The following MYO18B variants were observed in gnomAD, a reference collection of about 807,000 sequenced individuals.
MYO18B encodes myosin XVIIIB.
A neutral mutation model predicts 273.0 loss-of-function variants in MYO18B; 204 were observed. That is an observed-to-expected ratio of 0.75 (90% CI 0.67 to 0.84). The LOEUF is 0.84. Among genes scored for constraint, MYO18B ranks in the 40% least tolerant of loss-of-function variants. The pLI, the probability that MYO18B is intolerant of heterozygous loss-of-function variation, is 0.00. For missense variants in MYO18B, 3,212 were observed against 3,287.6 expected, an observed-to-expected ratio of 0.98 and a Z score of 0.56; for synonymous variants, 1,330 against 1,305.7, an observed-to-expected ratio of 1.02 and a Z score of -0.40.
intron 1 of MYO18B, among the ~76,000 whole-genome samples, chr22:25,750,906 C>T (rs779231277): frequency 5.3e-5 from 8 of 152,220 alleles, no homozygotes; most frequent in Non-Finnish European, 1.0e-4. Flanking sequence ...TGAGAAGCTG[C>T]TGTGTGCCAG....
chr22:26,020,265 G>A (rs1277289785), intron 42 of MYO18B, among the ~76,000 whole-genome samples: 1 of 152,044 alleles, frequency 6.6e-6, no homozygotes, highest in African/African-American at 2.4e-5. Flanking sequence ...GATTTTCATG[G>A]AGCATCTGCT....
At chr22:25,975,361 C>A (rs1373963670) in intron 39 of MYO18B, among the ~76,000 whole-genome samples, 1 of 152,130 alleles carries the variant, frequency 6.6e-6, no homozygotes, top group Non-Finnish European at 1.5e-5. Flanking sequence ...TCTTTATGTT[C>A]CGCCGCTGTG....
rs557057687 is a variant in MYO18B at position 25,912,339 on chromosome 22, C to G, written c.5364+1289C>G. ...CAGCATCAGGGCAAGAGAGCACAGC[C>G]CAGTACCAGATTCTAGAATGATAGA... On this transcript the variant is annotated intron_variant, in intron 33 of 43. Coordinates refer to ENST00000335473, the MANE Select transcript of MYO18B (RefSeq NM_032608.7). 7.2e-5 allele frequency among the ~76,000 whole-genome samples: 11 copies of G among 152,162 alleles called. No homozygotes were observed. The East Asian group carries it at 1.7e-3, about 24-fold the overall frequency.
At chr22:25,949,482 T>C (rs1023440919) in intron 36 of MYO18B, among the ~76,000 whole-genome samples, 3 of 152,144 alleles carry the variant, frequency 2.0e-5, no homozygotes, top group African/African-American at 7.2e-5. Flanking sequence ...AATGACTGCA[T>C]AATGGGGAGA....
At chr22:26,039,634 A>C in the MYO18B span, among the ~76,000 whole-genome samples, 46 of 152,016 alleles carry the variant, frequency 3.0e-4, no homozygotes, top group African/African-American at 9.7e-4. Context: ...TTTTAGTTAT[A>C]TATGTATATA....
chr22:25,784,096 C>T (rs2087276169), intron 10 of MYO18B, among the ~76,000 whole-genome samples: 1 of 152,220 alleles, frequency 6.6e-6, no homozygotes. Flanking sequence ...ATTCTTGCTC[C>T]TCAGTTTCTC....
At chr22:25,873,589 C>T (rs1056285370) in intron 22 of MYO18B, among the ~76,000 whole-genome samples, 4 of 152,096 alleles carry the variant, frequency 2.6e-5, no homozygotes, top group African/African-American at 7.2e-5. Context: ...TACAGGCATT[C>T]GCCACCACGC....
intron 15 of MYO18B, among the ~76,000 whole-genome samples, chr22:25,831,397 T>G (rs1601828738): frequency 6.6e-6 from 1 of 152,214 alleles, no homozygotes; most frequent in Non-Finnish European, 1.5e-5. Flanking sequence ...ATTTTTTGTT[T>G]TTTAGATGGA....
rs548881233 is a variant in MYO18B, at chr22:26,027,982, G to T, written c.*12+292G>T. 6.6e-6 allele frequency among the ~76,000 whole-genome samples: 1 copy of T among 152,004 alleles called. No homozygotes were observed. The highest frequency in any genetic ancestry group is 2.1e-4 in the South Asian group (1 of 4,814). On this transcript the variant is annotated intron_variant, in intron 43 of 43. Coordinates refer to ENST00000335473, the MANE Select transcript of MYO18B (RefSeq NM_032608.7). The surrounding 1 kb of genome is among the most constrained non-coding windows in gnomAD (Gnocchi z 4.1). ...GATGTAGCCGGGCGCGGTGGCTCAC[G>T]CCTGTAATCCCAGCACTTTGGGAGG...
intron 11 of MYO18B, among the ~76,000 whole-genome samples, chr22:25,797,676 C>A (rs1386598144): frequency 6.6e-6 from 1 of 152,184 alleles, no homozygotes; most frequent in South Asian, 2.1e-4. Flanking sequence ...CAGACCAGAG[C>A]CCCGCATAGA....
chr22:25,916,317 A>G lies in MYO18B; in HGVS notation c.5365-4940A>G, dbSNP rs565848790. 6.6e-5 allele frequency among the ~76,000 whole-genome samples: 10 copies of G among 152,192 alleles called. No homozygotes were observed. The East Asian group carries it at 1.9e-3, about 29-fold the overall frequency. On this transcript the variant is annotated intron_variant, in intron 33 of 43. Coordinates refer to ENST00000335473, the MANE Select transcript of MYO18B (RefSeq NM_032608.7). ...TTATTGTTTCTTTGTTGTGTATTTA[A>G]TAGTGTCTGACCTTATGTTTGTTTC... is the stretch of plus-strand genomic sequence containing the variant.
chr22:26,018,160 G>A (rs113349373), intron 42 of MYO18B, among the ~76,000 whole-genome samples: 2 of 152,112 alleles, frequency 1.3e-5, no homozygotes, highest in Non-Finnish European at 2.9e-5. Context: ...GCAGCTCGAT[G>A]GATTGGTTTG....
At chr22:25,972,275 T>G (rs1166279139) in intron 39 of MYO18B, among the ~76,000 whole-genome samples, 6 of 152,180 alleles carry the variant, frequency 3.9e-5, no homozygotes, top group African/African-American at 1.4e-4. Context: ...TGTGGTTAGT[T>G]GCTTGCTTGG....
chr22:25,919,274 A>G (rs992975738), intron 33 of MYO18B, among the ~76,000 whole-genome samples: 15 of 152,190 alleles, frequency 9.9e-5, no homozygotes, highest in African/African-American at 3.6e-4. Flanking sequence ...ATTAAAGACT[A>G]AAACACACCT....
At chr22:25,799,421 C>T (rs897004643) in intron 12 of MYO18B, among the ~76,000 whole-genome samples, 2 of 152,256 alleles carry the variant, frequency 1.3e-5, no homozygotes, top group East Asian at 3.9e-4. Context: ...GGATGAAGAG[C>T]AAGGGTTTCT....
chr22:26,034,293 T>C (rs1021549057), downstream of MYO18B, among the ~76,000 whole-genome samples: 1 of 152,226 alleles, frequency 6.6e-6, no homozygotes, highest in African/African-American at 2.4e-5. Flanking sequence ...CTACCACTTC[T>C]GCTACCTGGG....
intron 33 of MYO18B, among the ~76,000 whole-genome samples, chr22:25,913,588 T>C (rs1456710040): frequency 6.6e-6 from 1 of 152,222 alleles, no homozygotes; most frequent in African/African-American, 2.4e-5. Flanking sequence ...CAGGATGGTT[T>C]CGATCTCGTG....
Position 25,955,290 on chromosome 22 carries a change from C to T in MYO18B, c.6082C>T (p.Leu2028=). The T allele has an allele frequency of 6.2e-7, 1 of 1,613,780 alleles. No individual in the cohort carries two copies. Among genetic ancestry groups the T allele is most frequent in the Non-Finnish European group, 8.5e-7 (1 of 1,179,822 alleles). Residue 2028 remains leucine, a synonymous_variant, in exon 39 of 44, where the codon CTG becomes TTG. Transcript: ENST00000335473. Reference sequence around the variant, plus strand: ...GAGCAGCCAGTACTACCAGCGGCGCCTGGAAGAGCTGAAGGCCGACATGGA... The same window carrying T: ...GAGCAGCCAGTACTACCAGCGGCGCTTGGAAGAGCTGAAGGCCGACATGGA... ...RESSQYYQRR[L]EELKADMEEL...
chr22:26,024,500 G>T (rs1218377008), intron 42 of MYO18B, among the ~76,000 whole-genome samples: 2 of 152,190 alleles, frequency 1.3e-5, no homozygotes, highest in African/African-American at 4.8e-5. Flanking sequence ...AAGGATTGAG[G>T]GTGATGGTCA....
Sources: gnomAD v4.1 joint callset for allele counts (sites outside exome capture counted in the v4.1 genomes callset) on GRCh38, gnomAD v4.1.1 for gene constraint, Gnocchi (gnomAD v3.1) non-coding constraint, MANE v1.5 for transcripts, NCBI Gene and HGNC (gene_info 2026-07-23, HGNC 2026-07-21) for gene names.